UGT1A10: variants seen among roughly 807,000 people sequenced by gnomAD.
UGT1A10 encodes UDP-glucuronosyltransferase 1A10.
UGT1A10 carries 49 observed loss-of-function variants against 45.8 expected under a neutral mutation model. The observed-to-expected ratio is 1.07, with a 90% CI of 0.85 to 1.36. UGT1A10 has a LOEUF of 1.36. UGT1A10 is among the 40% of genes most tolerant of loss of function. The pLI, the probability that UGT1A10 is intolerant of heterozygous loss-of-function variation, is 0.00. For missense variants in UGT1A10, 745 were observed against 668.6 expected, an observed-to-expected ratio of 1.11 and a Z score of -1.26; for synonymous variants, 284 against 249.7, an observed-to-expected ratio of 1.14 and a Z score of -1.29.
rs897493139 is a variant in UGT1A10, at chr2:233,718,976, T to C, written c.856-48058T>C. ...TGCGGGAGGCCTTGCGGGAGCTCCATGCCAGAGGCCACCAGGCGGTGGTCC... is the reference window on the plus strand; with the variant it reads ...TGCGGGAGGCCTTGCGGGAGCTCCACGCCAGAGGCCACCAGGCGGTGGTCC... On this transcript the variant is annotated intron_variant, in intron 1 of 4. Coordinates refer to ENST00000344644, the MANE Select transcript of UGT1A10 (RefSeq NM_019075.4). 8 of 1,614,114 alleles carry C rather than the reference T, an allele frequency of 5.0e-6. No individual in the cohort carries two copies. In the Admixed American group the frequency reaches 1.3e-4, roughly 27 times the overall value.
chr2:233,652,678 G>A (rs1364937723), intron 1 of UGT1A10, among the ~76,000 whole-genome samples: 5 of 152,126 alleles, frequency 3.3e-5, no homozygotes, highest in Admixed American at 2.6e-4. Context: ...TACATCCTTG[G>A]CCAATTGATT....
intron 4 of UGT1A10, chr2:233,770,632 T>G (rs561537548): frequency 1.3e-5 from 2 of 150,950 alleles, no homozygotes; most frequent in Admixed American, 6.6e-5. Flanking sequence ...CACTCCAGCC[T>G]GGGCGACAGA....
At chr2:233,746,424 C>T (rs1693388244) in intron 1 of UGT1A10, among the ~76,000 whole-genome samples, 1 of 151,702 alleles carries the variant, frequency 6.6e-6, no homozygotes, top group South Asian at 2.1e-4. Context: ...GACCTATTAA[C>T]TTATGTCTTC....
intron 1 of UGT1A10, among the ~76,000 whole-genome samples, chr2:233,728,369 A>G (rs2008584): frequency 0.53 from 79,890 of 151,692 alleles, 22,359 homozygotes; most frequent in African/African-American, 0.73. Context: ...TGAACCCACC[A>G]TGGGTCTTTG....
At chr2:233,707,135 C>A (rs2075943267) in intron 1 of UGT1A10, among the ~76,000 whole-genome samples, 1 of 152,064 alleles carries the variant, frequency 6.6e-6, no homozygotes, top group African/African-American at 2.4e-5. Context: ...GCTTTCTATC[C>A]CGGAGGTCAC....
At chr2:233,772,206 G>A (rs1305891412) in intron 4 of UGT1A10, 56 bp from the exon 5 acceptor site, 2 of 1,609,236 alleles carry the variant, frequency 1.2e-6, no homozygotes, top group Non-Finnish European at 1.7e-6. Context: ...AGCATAAAGA[G>A]AGGATTGTTC....
intron 1 of UGT1A10, among the ~76,000 whole-genome samples, chr2:233,732,197 G>T (rs1458776605): frequency 6.6e-6 from 1 of 152,132 alleles, no homozygotes; most frequent in Non-Finnish European, 1.5e-5. Flanking sequence ...TTAGCCCTTT[G>T]TCAGATGGGT....
At position 233,769,709 on chromosome 2, in the gene UGT1A10, G is replaced by T. The variant is rs1309329692; in HGVS notation, c.1295+1270G>T. The T allele has an allele frequency of 6.6e-7, 1 of 1,509,378 alleles. No individual in the cohort carries two copies. Among genetic ancestry groups the T allele is most frequent in the South Asian group, 1.3e-5 (1 of 76,432 alleles). The allele number at this position is 1,509,378 out of a possible 1,614,324, so 93.5% of individuals were successfully genotyped here. On this transcript the variant is annotated intron_variant, in intron 4 of 4. Coordinates refer to ENST00000344644, the MANE Select transcript of UGT1A10 (RefSeq NM_019075.4). The surrounding 1 kb of genome is among the most constrained non-coding windows in gnomAD (Gnocchi z 4.4). Reference sequence around the variant, plus strand: ...GGCACTGGATAAAAGATCAATGTTGGCTAGGCACCATGGCACACGCCTGTA... The same window carrying T: ...GGCACTGGATAAAAGATCAATGTTGTCTAGGCACCATGGCACACGCCTGTA...
At position 233,647,451 on chromosome 2, in the gene UGT1A10, G is replaced by T. The variant is rs182094781; in HGVS notation, c.855+10074G>T. Among the ~76,000 whole-genome samples the T allele has an allele frequency of 1.9e-3, 285 of 152,292 alleles. 1 individual carries two copies. The highest frequency in any genetic ancestry group is 2.6e-3 in the Non-Finnish European group (177 of 68,032). Reference sequence around the variant, plus strand: ...TTCTGTTTTCCGGACTAGATTGTGAGAAATTGGTATTATTTCTTCCTTCAG... The same window carrying T: ...TTCTGTTTTCCGGACTAGATTGTGATAAATTGGTATTATTTCTTCCTTCAG... On this transcript the variant is annotated intron_variant, in intron 1 of 4. Coordinates refer to ENST00000344644, the MANE Select transcript of UGT1A10 (RefSeq NM_019075.4).
chr2:233,762,496 C>A (rs923496675), intron 1 of UGT1A10, among the ~76,000 whole-genome samples: 3 of 152,178 alleles, frequency 2.0e-5, no homozygotes, highest in Non-Finnish European at 4.4e-5. Flanking sequence ...AATGCTATTA[C>A]TTTTTAAACT....
chr2:233,725,626 T>TAGCATATATCTGACATTTAC (rs1183027261), intron 1 of UGT1A10, among the ~76,000 whole-genome samples: 17 of 152,190 alleles, frequency 1.1e-4, no homozygotes, highest in Non-Finnish European at 2.2e-4. Flanking sequence ...CTTCAAAATC[T>TAGCATATATCTGACATTTAC]AGCATATATC....
At chr2:233,715,771 C>CA (rs1328948750) in intron 1 of UGT1A10, among the ~76,000 whole-genome samples, 2 of 151,962 alleles carry the variant, frequency 1.3e-5, no homozygotes, top group East Asian at 3.9e-4. Context: ...GGACCCATCT[C>CA]AAAAAAATAA....
intron 1 of UGT1A10, chr2:233,721,813 G>C: frequency 1.9e-6 from 1 of 515,244 alleles, no homozygotes; most frequent in South Asian, 1.4e-5. Context: ...CAAAAATCCA[G>C]CACCCTATTT....
chr2:233,750,657 G>A (rs1694532021), intron 1 of UGT1A10: 1 of 143,480 alleles, frequency 7.0e-6, no homozygotes, highest in Admixed American at 6.7e-5. Flanking sequence ...TCAGGACTTG[G>A]TGCCCTGTGT....
intron 1 of UGT1A10, chr2:233,713,616 C>A (rs749122240): frequency 7.4e-6 from 12 of 1,613,980 alleles, no homozygotes; most frequent in Middle Eastern, 3.3e-4. Context: ...GACATTCCTG[C>A]AAAGGGTCAA....
chr2:233,720,855 G>A (rs1361240386), intron 1 of UGT1A10, among the ~76,000 whole-genome samples: 4 of 149,664 alleles, frequency 2.7e-5, no homozygotes, highest in Non-Finnish European at 5.9e-5. Flanking sequence ...GCAGGCATGT[G>A]CCACTGCTCC....
intron 1 of UGT1A10, among the ~76,000 whole-genome samples, chr2:233,748,560 A>G (rs1345265737): frequency 1.3e-5 from 2 of 151,814 alleles, no homozygotes; most frequent in Admixed American, 1.3e-4. Context: ...CACTCGCAGG[A>G]AGTAGAAGTG....
In UGT1A10 at chr2:233,642,376, A is replaced by G. The variant is rs2073474805; in HGVS notation, c.855+4999A>G. The stretch of plus-strand genomic sequence containing the variant: ...TGCTTGATTCTTTCTAATGATTTCA[A>G]TCTCTTTGTTAAATTTATATGCTGG... On this transcript the variant is annotated intron_variant, in intron 1 of 4. Coordinates refer to ENST00000344644, the MANE Select transcript of UGT1A10 (RefSeq NM_019075.4). Among the ~76,000 whole-genome samples the G allele has an allele frequency of 2.0e-5, 3 of 152,178 alleles. No homozygotes were observed. In the South Asian group the frequency reaches 6.2e-4, roughly 32 times the overall value.
chr2:233,705,347 A>G (rs1229673508), intron 1 of UGT1A10, among the ~76,000 whole-genome samples: 4 of 152,194 alleles, frequency 2.6e-5, no homozygotes, highest in African/African-American at 9.6e-5. Flanking sequence ...TTTTTGTCTT[A>G]TTACATGGGG....
Sources: allele counts gnomAD v4.1 joint callset (sites outside exome capture counted in the v4.1 genomes callset), GRCh38; gene constraint gnomAD v4.1.1; non-coding constraint Gnocchi (gnomAD v3.1); transcripts MANE v1.5; gene names NCBI Gene and HGNC (gene_info 2026-07-23, HGNC 2026-07-21).